The following RGS12 variants were observed in gnomAD, a reference collection of about 807,000 sequenced individuals.
The protein encoded by RGS12 is regulator of G protein signaling 12, also known as regulator of G-protein signaling 12.
In RGS12, 66 loss-of-function variants were observed where a neutral mutation model predicts 120.1. The ratio of observed to expected loss-of-function variants is 0.55; its 90% CI spans 0.45 to 0.67. The LOEUF (loss-of-function observed/expected upper bound fraction) is 0.67, where lower values mean the gene tolerates loss of function less well. Ranked by LOEUF, RGS12 falls within the 30% of genes least tolerant of loss-of-function variation. The pLI is 0.00. For synonymous variants in RGS12, 827 were observed against 804.7 expected (o/e 1.03, Z -0.47); for missense variants, 1,859 against 1,957.7 (o/e 0.95, Z 0.95).
At chr4:3,346,295 C>T (rs1242385882) in intron 3 of RGS12, among the ~76,000 whole-genome samples, 1 of 152,164 alleles carries the variant, frequency 6.6e-6, no homozygotes, top group Non-Finnish European at 1.5e-5. Flanking sequence ...TAGTTCCCAG[C>T]AGAAGCTACT....
At position 3,393,115 on chromosome 4, in the gene RGS12, A is replaced by G. The variant is rs553958838; in HGVS notation, c.2020+6678A>G. Among the ~76,000 whole-genome samples the G allele has an allele frequency of 5.9e-5, 9 of 152,218 alleles. No homozygotes were observed. The South Asian group carries it at 1.7e-3, about 28-fold the overall frequency. On this transcript the variant is annotated intron_variant, in intron 4 of 17. Coordinates refer to ENST00000336727, the MANE Select transcript of RGS12 (RefSeq NM_001394154.1). ...GACTTTTCTCCTGGTTATGGGTTAC[A>G]TTTTTCTGAGTATTCATTTGTCTGG... is the stretch of plus-strand genomic sequence containing the variant.
chr4:3,386,499 G>C, intron 4 of RGS12, 62 bp downstream of exon 4: 1 of 1,450,952 alleles, frequency 6.9e-7, no homozygotes, highest in Non-Finnish European at 9.6e-7. Flanking sequence ...AATTGTGAAA[G>C]TGTATTTGCC....
chr4:3,294,284 G>T (rs928093481), intron 1 of RGS12, among the ~76,000 whole-genome samples: 1 of 152,242 alleles, frequency 6.6e-6, no homozygotes, highest in Non-Finnish European at 1.5e-5. Context: ...AGGCAAGGCA[G>T]CAGCCCCACC....
rs1717432825 is a variant in RGS12 at position 3,374,595 on chromosome 4, T to C, written c.1999-11821T>C. Among the ~76,000 whole-genome samples the C allele has an allele frequency of 6.6e-6, 1 of 151,988 alleles. No homozygotes were observed. Among genetic ancestry groups the C allele is most frequent in the Non-Finnish European group, 1.5e-5 (1 of 67,994 alleles). The stretch of plus-strand genomic sequence containing the variant: ...CCTCCAGTGTACCCCTCCCTCAGTC[T>C]GCCACATCTCAGGAAGGGATGTCCC... On this transcript the variant is annotated intron_variant, in intron 3 of 17. Transcript: ENST00000336727. This position sits in a 1 kb window ranked among gnomAD's most constrained non-coding sequence, Gnocchi z 6.3.
chr4:3,340,931 C>T (rs192566178), intron 2 of RGS12, among the ~76,000 whole-genome samples: 50 of 152,208 alleles, frequency 3.3e-4, no homozygotes, highest in African/African-American at 7.7e-4. Context: ...CTGTGTTGGC[C>T]GGTCCATCTG....
At chr4:3,319,429 A>G (rs1725034228) in intron 2 of RGS12, among the ~76,000 whole-genome samples, 1 of 152,114 alleles carries the variant, frequency 6.6e-6, no homozygotes, top group Admixed American at 6.5e-5. Flanking sequence ...TGGATTTTCA[A>G]CATCCTCTTT....
At chr4:3,414,970 G>T in intron 6 of RGS12, 126 bp downstream of exon 6, 2 of 680,424 alleles carry the variant, frequency 2.9e-6, no homozygotes, top group East Asian at 2.7e-5. Context: ...GGGCGTGAGA[G>T]GGGCGTGTGA....
At chr4:3,391,730 G>A (rs1024128585) in intron 4 of RGS12, among the ~76,000 whole-genome samples, 1 of 143,032 alleles carries the variant, frequency 7.0e-6, no homozygotes, top group Non-Finnish European at 1.5e-5. Flanking sequence ...GCGTGTTTGG[G>A]GGCCTCGTCA....
chr4:3,425,540 A>T lies in RGS12; in HGVS notation c.3311A>T (p.Lys1104Met). 1 of 1,608,482 alleles carries T rather than the reference A, an allele frequency of 6.2e-7. No individual in the cohort carries two copies. The highest frequency in any genetic ancestry group is 1.1e-5 in the South Asian group (1 of 90,782). ...LDGQRVVLEE[K>M]DPSRGKASAD... ...GGACAGCGGGTTGTCTTGGAGGAGA[A>T]GGATCCTTCCAGAGGAAAGGGTGAG... The change falls in exon 14 of 18, where the codon AAG becomes ATG. Residue 1104 changes from lysine (K) to methionine (M), a missense_variant. This residue lies in a region of RGS12 where 517 missense variants were observed against 488.5 expected (regional missense o/e 1.06). Transcript: ENST00000336727.
chr4:3,305,346 C>G (rs1202968318), intron 1 of RGS12, among the ~76,000 whole-genome samples: 1 of 152,182 alleles, frequency 6.6e-6, no homozygotes, highest in East Asian at 1.9e-4. Context: ...TCTCAGAGAC[C>G]ACCTGTCACT....
At chr4:3,331,596 A>C (rs536981702) in intron 2 of RGS12, among the ~76,000 whole-genome samples, 2 of 152,168 alleles carry the variant, frequency 1.3e-5, no homozygotes, top group East Asian at 1.9e-4. Flanking sequence ...AATGAGAGGA[A>C]GTTTCAAAAT....
Position 3,389,880 on chromosome 4 carries a change from C to A in RGS12, c.2020+3443C>A, listed in dbSNP as rs1461749903. On this transcript the variant is annotated intron_variant, in intron 4 of 17. Transcript: ENST00000336727. This position sits in a 1 kb window ranked among gnomAD's most constrained non-coding sequence, Gnocchi z 5.2. ...TTCTCGCAGCCTCACCCTGGGGACC[C>A]CCGACACGTACTAGTCGCAGTCCTC... 6.6e-6 allele frequency among the ~76,000 whole-genome samples: 1 copy of A among 152,168 alleles called. No homozygotes were observed. Among genetic ancestry groups the A allele is most frequent in the Non-Finnish European group, 1.5e-5 (1 of 68,032 alleles).
At chr4:3,367,154 C>T (rs1716394653) in intron 3 of RGS12, among the ~76,000 whole-genome samples, 1 of 152,246 alleles carries the variant, frequency 6.6e-6, no homozygotes, top group African/African-American at 2.4e-5. Flanking sequence ...GTCCTGTTGT[C>T]CAGCTGGGCG....
chr4:3,316,034 C>G, intron 1 of RGS12, 36 bp from the exon 2 acceptor site: 9 of 781,064 alleles, frequency 1.2e-5, no homozygotes, highest in Non-Finnish European at 1.6e-5. Context: ...GAAAGATGGG[C>G]TCTTTAATAA....
At chr4:3,423,402 GCACA>G in intron 12 of RGS12, 109 bp from the exon 13 acceptor site, 1 of 1,388,102 alleles carries the variant, frequency 7.2e-7, no homozygotes, top group Non-Finnish European at 1.0e-6. Flanking sequence ...GAACTGGGGG[GCACA>G]CCGAGGCCTT....
chr4:3,399,502 A>G (rs1168992526), intron 4 of RGS12, among the ~76,000 whole-genome samples: 1 of 152,196 alleles, frequency 6.6e-6, no homozygotes, highest in Non-Finnish European at 1.5e-5. Context: ...ATCAAGAATG[A>G]AAGACAGGTC....
rs537593198 is a variant in RGS12, at chr4:3,371,504, C to T, written c.1999-14912C>T. Among the ~76,000 whole-genome samples, 4 of 152,170 alleles carry T rather than the reference C, an allele frequency of 2.6e-5. No homozygotes were observed. The East Asian group carries it at 7.7e-4, about 29-fold the overall frequency. On this transcript the variant is annotated intron_variant, in intron 3 of 17. Coordinates refer to ENST00000336727, the MANE Select transcript of RGS12 (RefSeq NM_001394154.1). ...TCCGAGTAAAGTCATTAAAAACCTGCCTTTGTAAGTATCTGTTTACATGAT... is the reference window on the plus strand; with the variant it reads ...TCCGAGTAAAGTCATTAAAAACCTGTCTTTGTAAGTATCTGTTTACATGAT...
At chr4:3,424,743 G>A (rs770000264) in intron 13 of RGS12, among the ~76,000 whole-genome samples, 6 of 152,180 alleles carry the variant, frequency 3.9e-5, no homozygotes, top group African/African-American at 1.2e-4. Context: ...TTCCTTGGAC[G>A]CTGTCTCCTG....
chr4:3,416,647 G>A (rs182820259), intron 7 of RGS12, among the ~76,000 whole-genome samples: 123 of 152,280 alleles, frequency 8.1e-4, no homozygotes, highest in African/African-American at 2.7e-3. Flanking sequence ...GGGTCTGCTC[G>A]TGTTGATGGC....
Sources: gnomAD v4.1 joint callset for allele counts (sites outside exome capture counted in the v4.1 genomes callset) on GRCh38, gnomAD v4.1.1 for gene constraint, gnomAD v4.1.1 regional missense constraint, Gnocchi (gnomAD v3.1) non-coding constraint, MANE v1.5 for transcripts, NCBI Gene and HGNC (gene_info 2026-07-23, HGNC 2026-07-21) for gene names.